METAP2: variants seen among roughly 807,000 people sequenced by gnomAD.
The protein encoded by METAP2 is methionyl aminopeptidase 2.
METAP2 carries 25 observed loss-of-function variants against 59.4 expected under a neutral mutation model. The observed-to-expected ratio is 0.42, with a 90% CI of 0.31 to 0.59. The LOEUF (loss-of-function observed/expected upper bound fraction) is 0.59. METAP2 is among the 20% of genes least tolerant of loss of function. METAP2 has a pLI of 0.16. For missense variants in METAP2, 366 were observed against 581.2 expected, an observed-to-expected ratio of 0.63 and a Z score of 3.81; for synonymous variants, 214 against 194.1, an observed-to-expected ratio of 1.10 and a Z score of -0.85.
intron 6 of METAP2, among the ~76,000 whole-genome samples, chr12:95,495,578 A>G (rs943530986): frequency 7.9e-5 from 12 of 152,322 alleles, no homozygotes; most frequent in African/African-American, 2.9e-4. Context: ...CTTACTTACA[A>G]GTGAGAAAGC....
chr12:95,488,094 G>A lies in METAP2; in HGVS notation c.428+2113G>A, dbSNP rs568335045. Among the ~76,000 whole-genome samples the A allele has an allele frequency of 2.0e-5, 3 of 152,210 alleles. No homozygotes were observed. The East Asian group carries it at 5.8e-4, about 29-fold the overall frequency. On this transcript the variant is annotated intron_variant, in intron 4 of 10. Transcript: ENST00000323666. The stretch of plus-strand genomic sequence containing the variant: ...CCAAAGAATATATTAATAATTTCCA[G>A]TTCTTATACTATTAGTGATTTCGAG...
intron 8 of METAP2, among the ~76,000 whole-genome samples, chr12:95,507,153 T>C (rs1309666129): frequency 6.6e-6 from 1 of 152,244 alleles, no homozygotes; most frequent in Non-Finnish European, 1.5e-5. Context: ...CAGTTTTTAC[T>C]TGGAGTCTTA....
intron 4 of METAP2, among the ~76,000 whole-genome samples, chr12:95,487,211 G>A (rs1455973769): frequency 1.3e-5 from 2 of 152,144 alleles, no homozygotes; most frequent in Admixed American, 1.3e-4. Flanking sequence ...ATTGATCAGT[G>A]TGTTTTACAA....
At chr12:95,512,186 A>T (rs1452311806) in intron 9 of METAP2, among the ~76,000 whole-genome samples, 188 bp downstream of exon 9, 1 of 152,180 alleles carries the variant, frequency 6.6e-6, no homozygotes, top group Non-Finnish European at 1.5e-5. Flanking sequence ...AGTTGTGGAA[A>T]TTGGGGCTGT....
At chr12:95,478,395 C>T (rs558825792) in intron 2 of METAP2, among the ~76,000 whole-genome samples, 1 of 152,270 alleles carries the variant, frequency 6.6e-6, no homozygotes, top group South Asian at 2.1e-4. Context: ...TTTTGGGAGG[C>T]TGAGGTGGGT....
intron 2 of METAP2, chr12:95,482,254 G>A (rs1203506363): frequency 2.4e-6 from 1 of 423,510 alleles, no homozygotes; most frequent in South Asian, 1.7e-5. Flanking sequence ...TGGGACTATG[G>A]GCGCATACCA....
chr12:95,505,936 T>C (rs2076355560), intron 8 of METAP2, among the ~76,000 whole-genome samples: 2 of 148,610 alleles, frequency 1.3e-5, no homozygotes, highest in Admixed American at 6.6e-5. Context: ...CTCTACTAAA[T>C]ACAAAAAAAA....
At chr12:95,494,848 G>C in intron 5 of METAP2, 109 bp from the exon 6 acceptor site, 1 of 726,058 alleles carries the variant, frequency 1.4e-6, no homozygotes, top group South Asian at 2.9e-5. Context: ...ATTCCCAGAA[G>C]GTATTTAAGG....
At chr12:95,486,053 T>C in intron 4 of METAP2, 72 bp downstream of exon 4, 1 of 1,083,870 alleles carries the variant, frequency 9.2e-7, no homozygotes, top group Non-Finnish European at 1.3e-6. Flanking sequence ...GATTTGACAT[T>C]TCTCAGAACT....
rs561354283 is a variant in METAP2, at chr12:95,498,277, C to T, written c.867+2179C>T. ...TGAGCCACCCTGCCCAGCTCTTTGCCTGCTTTTTAATTGAGTCGTTTGTTG... is the reference window on the plus strand; with the variant it reads ...TGAGCCACCCTGCCCAGCTCTTTGCTTGCTTTTTAATTGAGTCGTTTGTTG... On this transcript the variant is annotated intron_variant, in intron 7 of 10. Coordinates refer to ENST00000323666, the MANE Select transcript of METAP2 (RefSeq NM_006838.4). 2.0e-3 allele frequency among the ~76,000 whole-genome samples: 302 copies of T among 152,268 alleles called. 1 individual carries two copies. Among genetic ancestry groups the T allele is most frequent in the African/African-American group, 6.3e-3 (262 of 41,556 alleles).
At chr12:95,501,719 GA>G (rs527890402) in intron 7 of METAP2, among the ~76,000 whole-genome samples, 4,386 of 110,968 alleles carry the variant, frequency 0.04, 90 homozygotes, top group Non-Finnish European at 0.057. Context: ...GTTTCAAAAA[GA>G]AAAAAAAAAA....
At chr12:95,487,587 C>G (rs941657258) in intron 4 of METAP2, among the ~76,000 whole-genome samples, 9 of 119,320 alleles carry the variant, frequency 7.5e-5, no homozygotes, top group African/African-American at 3.1e-4. Flanking sequence ...AATATAATCT[C>G]TTAATTTTTT....
chr12:95,505,256 G>A (rs1048247048), intron 8 of METAP2, among the ~76,000 whole-genome samples: 4 of 152,214 alleles, frequency 2.6e-5, no homozygotes, highest in South Asian at 2.1e-4. Context: ...GAACCTGACC[G>A]TGCCTTCTAT....
chr12:95,477,096 T>A (rs2076125476), intron 2 of METAP2, among the ~76,000 whole-genome samples: 1 of 151,296 alleles, frequency 6.6e-6, no homozygotes, highest in African/African-American at 2.4e-5. Context: ...TTGTTCCTTT[T>A]ACTCTCTATT....
intron 10 of METAP2, 121 bp downstream of exon 10, chr12:95,513,037 C>A: frequency 3.7e-6 from 2 of 538,926 alleles, no homozygotes; most frequent in Non-Finnish European, 6.4e-6. Flanking sequence ...GTTCTGTAGC[C>A]CAACAATAAG....
At chr12:95,476,846 T>G (rs1389268962) in intron 2 of METAP2, among the ~76,000 whole-genome samples, 1 of 152,194 alleles carries the variant, frequency 6.6e-6, no homozygotes, top group East Asian at 1.9e-4. Context: ...TCACATACAT[T>G]CACATTTTAA....
At chr12:95,496,999 G>T (rs961199562) in intron 7 of METAP2, among the ~76,000 whole-genome samples, 6 of 151,322 alleles carry the variant, frequency 4.0e-5, no homozygotes, top group African/African-American at 1.5e-4. Flanking sequence ...TGATTTTTAT[G>T]TTTCTAGTAG....
intron 10 of METAP2, among the ~76,000 whole-genome samples, chr12:95,513,132 C>T (rs1350075917): frequency 6.8e-6 from 1 of 147,900 alleles, no homozygotes; most frequent in South Asian, 2.1e-4. Flanking sequence ...CACACACACA[C>T]AAGTGCTCTC....
rs552218641 is a variant in METAP2 at position 95,513,434 on chromosome 12, A to C, written c.1185-218A>C. On this transcript the variant is annotated intron_variant, in intron 10 of 10. Coordinates refer to ENST00000323666, the MANE Select transcript of METAP2 (RefSeq NM_006838.4). Reference sequence around the variant, plus strand: ...CACGCGCGCGCACGTAGACACGTAAACATGATAAGATGGCCTCCAGCTGGT... The same window carrying C: ...CACGCGCGCGCACGTAGACACGTAACCATGATAAGATGGCCTCCAGCTGGT... Among the ~76,000 whole-genome samples, 28 of 152,342 alleles carry C rather than the reference A, an allele frequency of 1.8e-4. No homozygotes were observed. In the South Asian group the frequency reaches 5.8e-3, roughly 32 times the overall value.
Sources: allele counts gnomAD v4.1 joint callset (sites outside exome capture counted in the v4.1 genomes callset), GRCh38; gene constraint gnomAD v4.1.1; transcripts MANE v1.5; gene names NCBI Gene and HGNC (gene_info 2026-07-23, HGNC 2026-07-21).